Variants in MEIKIN observed in about 807,000 individuals in gnomAD.
MEIKIN encodes the protein meiosis-specific kinetochore protein.
intron 8 of MEIKIN, among the ~76,000 whole-genome samples, chr5:131,890,124 T>C (rs747039962): frequency 3.9e-5 from 6 of 152,100 alleles, no homozygotes; most frequent in Non-Finnish European, 7.4e-5. Context: ...CAGTATTTTA[T>C]TGAGGATTTT....
intron 8 of MEIKIN, among the ~76,000 whole-genome samples, chr5:131,899,285 A>G (rs1751110264): frequency 6.6e-6 from 1 of 152,222 alleles, no homozygotes. Context: ...AATGGATTAT[A>G]AGATAGTATT....
chr5:131,888,061 A>C (rs2149632589), intron 8 of MEIKIN, among the ~76,000 whole-genome samples: 1 of 144,540 alleles, frequency 6.9e-6, no homozygotes, highest in African/African-American at 2.7e-5. Flanking sequence ...ATGGCTGCAT[A>C]GTATTCCATG....
intron 8 of MEIKIN, among the ~76,000 whole-genome samples, chr5:131,903,753 C>A (rs1189948984): frequency 6.6e-6 from 1 of 152,022 alleles, no homozygotes; most frequent in African/African-American, 2.4e-5. Flanking sequence ...AACCAACTAA[C>A]AACATGACAA....
Position 131,857,529 on chromosome 5 carries a change from C to T in MEIKIN, c.775-2695G>A, listed in dbSNP as rs142920567. Among the ~76,000 whole-genome samples the T allele has an allele frequency of 1.0e-3, 159 of 152,250 alleles. 1 individual carries two copies. Among genetic ancestry groups the T allele is most frequent in the African/African-American group, 3.7e-3 (152 of 41,566 alleles). The stretch of plus-strand genomic sequence containing the variant: ...CTCATCTGCCAGCCTCTCCTGGGGC[C>T]CCAGCATGGCATGCCCGCTTGTGGC... On this transcript the variant is annotated intron_variant, in intron 9 of 12. Coordinates refer to ENST00000442687, the MANE Select transcript of MEIKIN (RefSeq NM_001303622.2).
intron 12 of MEIKIN, among the ~76,000 whole-genome samples, chr5:131,807,960 G>T (rs1399705215): frequency 6.6e-6 from 1 of 152,200 alleles, no homozygotes; most frequent in Non-Finnish European, 1.5e-5. Context: ...AACCAGGAAG[G>T]TATGATGTGC....
chr5:131,910,625 C>T (rs926351511), intron 8 of MEIKIN, among the ~76,000 whole-genome samples: 9 of 151,920 alleles, frequency 5.9e-5, no homozygotes, highest in African/African-American at 1.7e-4. Flanking sequence ...TGCTTGAGGG[C>T]ATGGATACCC....
intron 7 of MEIKIN, among the ~76,000 whole-genome samples, chr5:131,912,306 ATAT>A (rs558084181): frequency 8.0e-5 from 12 of 150,194 alleles, no homozygotes; most frequent in Non-Finnish European, 8.9e-5. Flanking sequence ...TATTATTATT[ATAT>A]TATTATTATT....
At chr5:131,941,924 A>G (rs561070034) in intron 4 of MEIKIN, among the ~76,000 whole-genome samples, 1 of 152,240 alleles carries the variant, frequency 6.6e-6, no homozygotes, top group South Asian at 2.1e-4. Flanking sequence ...AATAGCCATC[A>G]CATCACATCA....
chr5:131,829,052 A>G (rs1338463052), intron 11 of MEIKIN, among the ~76,000 whole-genome samples: 1 of 152,346 alleles, frequency 6.6e-6, no homozygotes, highest in East Asian at 1.9e-4. Flanking sequence ...GCACATCATC[A>G]TAAAATATCA....
chr5:131,943,904 G>A (rs919381214), intron 3 of MEIKIN, among the ~76,000 whole-genome samples: 3 of 152,064 alleles, frequency 2.0e-5, no homozygotes, highest in East Asian at 1.9e-4. Context: ...GATCACTTGA[G>A]GTCAGGAGTT....
chr5:131,904,555 T>C (rs1041215196), intron 8 of MEIKIN, among the ~76,000 whole-genome samples: 46 of 152,212 alleles, frequency 3.0e-4, no homozygotes, highest in Non-Finnish European at 5.4e-4. Context: ...CTCCCACCAA[T>C]AGTGTAAAAG....
At chr5:131,918,092 G>T (rs1400216978) in intron 6 of MEIKIN, among the ~76,000 whole-genome samples, 2 of 152,154 alleles carry the variant, frequency 1.3e-5, no homozygotes, top group African/African-American at 4.8e-5. Context: ...TTGGGAAAGA[G>T]AAGCACTTTT....
chr5:131,857,247 T>C (rs970123596), intron 9 of MEIKIN, among the ~76,000 whole-genome samples: 3 of 152,200 alleles, frequency 2.0e-5, no homozygotes, highest in African/African-American at 4.8e-5. Flanking sequence ...ACATGTCCTA[T>C]TATTTCAACT....
At chr5:131,873,325 CA>C (rs1426018227) in intron 9 of MEIKIN, among the ~76,000 whole-genome samples, 2 of 151,432 alleles carry the variant, frequency 1.3e-5, no homozygotes, top group Non-Finnish European at 2.9e-5. Context: ...AAATGGAAAA[CA>C]AAAAAAGGCA....
At chr5:131,876,724 T>C (rs1384798132) in intron 9 of MEIKIN, among the ~76,000 whole-genome samples, 3 of 151,834 alleles carry the variant, frequency 2.0e-5, no homozygotes, top group Middle Eastern at 3.4e-3. Context: ...CTATTCACAA[T>C]AGCAAAGACT....
At chr5:131,885,370 AGAGAGAGAG>A in intron 8 of MEIKIN, among the ~76,000 whole-genome samples, 1 of 49,178 alleles carries the variant, frequency 2.0e-5, no homozygotes, top group African/African-American at 6.1e-5. Flanking sequence ...AGAGAGAGAG[AGAGAGAGAG>A]AGAGAGAGAG....
At chr5:131,871,477 A>C (rs1750497488) in intron 9 of MEIKIN, among the ~76,000 whole-genome samples, 1 of 152,232 alleles carries the variant, frequency 6.6e-6, no homozygotes, top group Non-Finnish European at 1.5e-5. Flanking sequence ...CCGAGTCTTG[A>C]TTAGGTAAAC....
intron 5 of MEIKIN, among the ~76,000 whole-genome samples, chr5:131,922,548 A>G (rs560141122): frequency 6.6e-6 from 1 of 152,326 alleles, no homozygotes; most frequent in East Asian, 1.9e-4. Flanking sequence ...GGACTTCAGC[A>G]TCCACAGATT....
intron 10 of MEIKIN, among the ~76,000 whole-genome samples, chr5:131,853,124 T>C (rs971281389): frequency 1.3e-5 from 2 of 152,184 alleles, no homozygotes; most frequent in African/African-American, 4.8e-5. Flanking sequence ...CTAGGTAACA[T>C]TGCTTATGGT....
Sources: gnomAD v4.1 joint callset for allele counts (sites outside exome capture counted in the v4.1 genomes callset) on GRCh38, gnomAD v4.1.1 for gene constraint, MANE v1.5 for transcripts, NCBI Gene and HGNC (gene_info 2026-07-23, HGNC 2026-07-21) for gene names.